ATP8B4: variants seen among roughly 807,000 people sequenced by gnomAD.
ATP8B4 encodes probable phospholipid-transporting ATPase IM.
ATP8B4 carries 133 observed loss-of-function variants against 145.6 expected under a neutral mutation model. That is an observed-to-expected ratio of 0.91 (90% CI 0.79 to 1.05). The LOEUF (loss-of-function observed/expected upper bound fraction) is 1.05. Among genes scored for constraint, ATP8B4 ranks in the 50% least tolerant of loss-of-function variants. The pLI is 0.00. For synonymous variants in ATP8B4, 507 were observed against 492.9 expected, an observed-to-expected ratio of 1.03 and a Z score of -0.38; for missense variants, 1,458 against 1,425.2, an observed-to-expected ratio of 1.02 and a Z score of -0.37.
intron 16 of ATP8B4, among the ~76,000 whole-genome samples, chr15:49,924,283 C>G (rs374476411): frequency 2.0e-5 from 3 of 152,154 alleles, no homozygotes; most frequent in East Asian, 3.9e-4. Context: ...TTTAGTTGTA[C>G]AGCTTGACAC....
chr15:50,139,485 G>A lies in ATP8B4; in HGVS notation c.-42-32477C>T, dbSNP rs183094114. 3.3e-3 allele frequency among the ~76,000 whole-genome samples: 506 copies of A among 152,202 alleles called. 1 individual carries two copies. The highest frequency in any genetic ancestry group is 0.012 in the African/African-American group (484 of 41,524). ...TAGCACTAGGACAAATACCCAATGC[G>A]TGCAGAGCTTAAAACCTAGATGACG... On this transcript the variant is annotated intron_variant, in intron 1 of 3. Transcript: ENST00000558829.
intron 1 of ATP8B4, among the ~76,000 whole-genome samples, chr15:50,112,269 G>GC (rs1280082547): frequency 1.3e-5 from 2 of 152,142 alleles, no homozygotes; most frequent in Non-Finnish European, 2.9e-5. Flanking sequence ...AGCCTTGGCA[G>GC]CCCCCCTTGC....
intron 12 of ATP8B4, among the ~76,000 whole-genome samples, chr15:49,975,250 T>G (rs1158025597): frequency 6.6e-6 from 1 of 152,120 alleles, no homozygotes; most frequent in Non-Finnish European, 1.5e-5. Flanking sequence ...CCTCAATTAG[T>G]AAGGAATTTT....
chr15:50,111,040 C>T (rs1324875315), intron 1 of ATP8B4, among the ~76,000 whole-genome samples: 5 of 152,116 alleles, frequency 3.3e-5, no homozygotes, highest in Admixed American at 2.6e-4. Flanking sequence ...TTTTAGACAC[C>T]TTGATATTGA....
chr15:50,142,955 T>C (rs192418630), intron 1 of ATP8B4, among the ~76,000 whole-genome samples: 83 of 152,304 alleles, frequency 5.4e-4, no homozygotes, highest in Non-Finnish European at 9.6e-4. Flanking sequence ...TCTGACTATG[T>C]ATAATGCATA....
intron 2 of ATP8B4, among the ~76,000 whole-genome samples, chr15:50,084,206 A>G (rs2054744147): frequency 6.6e-6 from 1 of 152,170 alleles, no homozygotes; most frequent in Admixed American, 6.5e-5. Context: ...AAACATGGAC[A>G]CTAAAAGAGG....
intron 14 of ATP8B4, among the ~76,000 whole-genome samples, chr15:49,937,307 T>C (rs1386471934): frequency 6.6e-6 from 1 of 152,136 alleles, no homozygotes; most frequent in Non-Finnish European, 1.5e-5. Context: ...AGATCAAGGA[T>C]GTAGCAGACT....
chr15:50,026,108 C>T lies in ATP8B4; in HGVS notation c.362+12660G>A, dbSNP rs191300061. On this transcript the variant is annotated intron_variant, in intron 6 of 27. Transcript: ENST00000284509. ...CATTTTGTAACTTTCAGATCCTACC[C>T]TCCTTGTTCCACTGTCATCTCTACT... 9.1e-4 allele frequency among the ~76,000 whole-genome samples: 138 copies of T among 152,282 alleles called. 1 individual carries two copies. The Middle Eastern group carries it at 0.024, about 26-fold the overall frequency.
chr15:50,056,556 TC>T (rs927176027), intron 3 of ATP8B4, among the ~76,000 whole-genome samples: 3 of 152,134 alleles, frequency 2.0e-5, no homozygotes, highest in African/African-American at 7.2e-5. Context: ...GGAATACGTG[TC>T]CCCTAGGGGT....
intron 1 of ATP8B4, among the ~76,000 whole-genome samples, chr15:50,173,123 C>G (rs1297272525): frequency 5.3e-5 from 8 of 150,854 alleles, no homozygotes; most frequent in Non-Finnish European, 8.9e-5. Context: ...AGGTGGGGGG[C>G]GCCTCTGCCC....
intron 14 of ATP8B4, among the ~76,000 whole-genome samples, chr15:49,943,044 C>A: frequency 6.6e-6 from 1 of 151,410 alleles, no homozygotes; most frequent in Non-Finnish European, 1.5e-5. Flanking sequence ...TTTTTAAAAA[C>A]AAATTTTGGA....
intron 3 of ATP8B4, among the ~76,000 whole-genome samples, chr15:50,050,534 T>C (rs2153612005): frequency 6.6e-6 from 1 of 152,224 alleles, no homozygotes; most frequent in Admixed American, 6.5e-5. Flanking sequence ...TCTAAAGCAT[T>C]AAATATTCCT....
chr15:50,170,741 C>G (rs1213427537), intron 1 of ATP8B4, among the ~76,000 whole-genome samples: 1 of 152,124 alleles, frequency 6.6e-6, no homozygotes, highest in African/African-American at 2.4e-5. Flanking sequence ...GGCCTAAATG[C>G]TCCACTTAAA....
At chr15:50,126,017 G>C (rs1318310200) in intron 1 of ATP8B4, among the ~76,000 whole-genome samples, 1 of 152,096 alleles carries the variant, frequency 6.6e-6, no homozygotes, top group Non-Finnish European at 1.5e-5. Flanking sequence ...CCTTCTAGTG[G>C]AAGAGAAAAT....
intron 1 of ATP8B4, among the ~76,000 whole-genome samples, chr15:50,108,407 T>C (rs1282499354): frequency 1.3e-5 from 2 of 151,964 alleles, no homozygotes; most frequent in Non-Finnish European, 2.9e-5. Flanking sequence ...ACACCTCTTG[T>C]TGGCCTCAGG....
At chr15:50,170,846 C>T (rs918759583) in intron 1 of ATP8B4, among the ~76,000 whole-genome samples, 4 of 152,134 alleles carry the variant, frequency 2.6e-5, no homozygotes, top group South Asian at 2.1e-4. Flanking sequence ...CATAAACTTA[C>T]AGTAATGGGG....
chr15:50,004,518 G>C (rs2153564007), intron 7 of ATP8B4, among the ~76,000 whole-genome samples: 1 of 152,284 alleles, frequency 6.6e-6, no homozygotes, highest in South Asian at 2.1e-4. Flanking sequence ...CCAATTCCTA[G>C]TTGATCCAGA....
At chr15:50,177,846 A>C (rs982599818) in intron 1 of ATP8B4, among the ~76,000 whole-genome samples, 2 of 152,188 alleles carry the variant, frequency 1.3e-5, no homozygotes, top group African/African-American at 4.8e-5. Context: ...CAGACTTGTA[A>C]AGTTTGAGAA....
At chr15:50,093,712 T>G (rs1279833975) in intron 2 of ATP8B4, among the ~76,000 whole-genome samples, 1 of 151,992 alleles carries the variant, frequency 6.6e-6, no homozygotes, top group South Asian at 2.1e-4. Context: ...AAAGCCAAAG[T>G]TTATCAAACT....
Sources: gnomAD v4.1 joint callset for allele counts (sites outside exome capture counted in the v4.1 genomes callset) on GRCh38, gnomAD v4.1.1 for gene constraint, MANE v1.5 for transcripts, NCBI Gene and HGNC (gene_info 2026-07-23, HGNC 2026-07-21) for gene names.